Variants in PCNT observed in about 807,000 individuals in gnomAD.
The protein encoded by PCNT is pericentrin, also known as kendrin.
In PCNT, 319 loss-of-function variants were observed where a neutral mutation model predicts 380.4. The ratio of observed to expected loss-of-function variants is 0.84; its 90% CI spans 0.77 to 0.92. PCNT has a LOEUF of 0.92. PCNT is among the 40% of genes least tolerant of loss of function. The probability of loss-of-function intolerance (pLI) is 0.00; values close to 1 mark genes in which losing one functional copy is unlikely to be tolerated. For missense variants in PCNT, 4,400 were observed against 4,255.3 expected (o/e 1.03, Z -0.95); for synonymous variants, 1,845 against 1,735.2 (o/e 1.06, Z -1.57).
chr21:46,431,147 G>A (rs1010646106), intron 37 of PCNT: 1 of 1,191,454 alleles, frequency 8.4e-7, no homozygotes, highest in Non-Finnish European at 1.1e-6. Flanking sequence ...CTCTGGTGGA[G>A]TGATTTTCTG....
rs372705970 is a variant in PCNT at position 46,326,424 on chromosome 21, G to C, written c.102G>C (p.Ser34=). ...QRKTKGDSSH[S]EKKTAKRKGS... ...AAACAAAAGGTGACAGTTCGCATTC[G>C]GAGAAAAAGACGGCGAAGAGGAAGG... Residue 34 remains serine, a synonymous_variant, in exon 2 of 47, where the codon TCG becomes TCC. Coordinates refer to ENST00000359568, the MANE Select transcript of PCNT (RefSeq NM_006031.6). 8 of 1,614,092 alleles carry C rather than the reference G, an allele frequency of 5.0e-6. No individual in the cohort carries two copies. The highest frequency in any genetic ancestry group is 1.7e-5 in the Admixed American group (1 of 60,004).
intron 15 of PCNT, among the ~76,000 whole-genome samples, chr21:46,374,368 C>T (rs998931287): frequency 3.3e-5 from 5 of 152,142 alleles, no homozygotes; most frequent in Non-Finnish European, 7.3e-5. Context: ...CAAGCCCAGC[C>T]CACGTGCCAG....
intron 27 of PCNT, 132 bp from the exon 28 acceptor site, chr21:46,411,057 C>A: frequency 1.0e-6 from 1 of 977,142 alleles, no homozygotes; most frequent in East Asian, 2.5e-5. Context: ...CAGTTTGCTT[C>A]TATGGCTGCT....
At chr21:46,404,813 G>A (rs563531477) in intron 27 of PCNT, among the ~76,000 whole-genome samples, 1 of 152,146 alleles carries the variant, frequency 6.6e-6, no homozygotes, top group South Asian at 2.1e-4. Context: ...AGCCAGGCAT[G>A]GTGACACACC....
chr21:46,366,512 G>A, intron 14 of PCNT, 72 bp from the exon 15 acceptor site: 1 of 1,283,274 alleles, frequency 7.8e-7, no homozygotes, highest in South Asian at 1.2e-5. Flanking sequence ...GTGGGAAACT[G>A]ACTTGGCTTT....
At chr21:46,441,160 G>A in intron 43 of PCNT, 76 bp downstream of exon 43, 1 of 919,918 alleles carries the variant, frequency 1.1e-6, no homozygotes, top group Non-Finnish European at 1.8e-6. Flanking sequence ...TGGTTTTTTG[G>A]TCATTTTATT....
chr21:46,370,008 G>C (rs1242917253), intron 15 of PCNT, among the ~76,000 whole-genome samples: 1 of 152,344 alleles, frequency 6.6e-6, no homozygotes, highest in East Asian at 1.9e-4. Context: ...TGCGGGAGGG[G>C]CTGTGCAGGT....
At chr21:46,405,817 A>G (rs566814140) in intron 27 of PCNT, among the ~76,000 whole-genome samples, 124 of 152,376 alleles carry the variant, frequency 8.1e-4, no homozygotes, top group African/African-American at 2.9e-3. Context: ...ATATATAAAA[A>G]ATAGTTTACA....
At position 46,353,169 on chromosome 21, in the gene PCNT, GA is replaced by G. The variant is rs1369869782; in HGVS notation, c.1528del (p.Thr510ProfsTer10). ...VEDLEQLKQREKTQHESELEQ... is the reference protein window; with the variant it reads ...VEDLEQLKQRXKTQHESELEQ... ...AGATTTAGAACAGCTGAAGCAGCGA[GA>G]AAAAACCCAGCATGAGTCCGAACTG... On this transcript the variant is annotated frameshift_variant, in exon 10 of 47. Transcript: ENST00000359568. LOFTEE classifies it high-confidence loss of function. 6.2e-7 allele frequency: 1 copy of G among 1,614,098 alleles called. No homozygotes were observed. Among genetic ancestry groups the G allele is most frequent in the African/African-American group, 1.3e-5 (1 of 75,060 alleles).
chr21:46,325,562 C>T (rs996129830), intron 1 of PCNT, among the ~76,000 whole-genome samples: 13 of 152,174 alleles, frequency 8.5e-5, no homozygotes, highest in African/African-American at 2.9e-4. Context: ...GTGTAAATGG[C>T]CTTGTGTAAT....
chr21:46,334,159 T>C (rs901678073), intron 2 of PCNT, among the ~76,000 whole-genome samples: 55 of 150,912 alleles, frequency 3.6e-4, no homozygotes, highest in African/African-American at 1.3e-3. Context: ...GAGCTGAGAT[T>C]GTGCCACTGC....
chr21:46,439,986 C>T, intron 41 of PCNT, 97 bp from the exon 42 acceptor site: 2 of 1,494,814 alleles, frequency 1.3e-6, no homozygotes, highest in Middle Eastern at 2.1e-4. Flanking sequence ...GGCCTCCCCG[C>T]ACATGGCCTT....
At chr21:46,342,459 G>T (rs1182220417) in intron 3 of PCNT, among the ~76,000 whole-genome samples, 1 of 151,696 alleles carries the variant, frequency 6.6e-6, no homozygotes, top group African/African-American at 2.4e-5. Context: ...CACCAGCAGT[G>T]CAAAGGTTTT....
chr21:46,398,264 G>A lies in PCNT; in HGVS notation c.4584+9G>A. 1 of 1,602,328 alleles carries A rather than the reference G, an allele frequency of 6.2e-7. No individual in the cohort carries two copies. Among genetic ancestry groups the A allele is most frequent in the Non-Finnish European group, 8.5e-7 (1 of 1,175,768 alleles). ...CGCCGCTGGATGGAGAGGTGAGGAG[G>A]CGTCAACGAGATGGGCACTCCCTGC... On this transcript the variant is annotated intron_variant, in intron 24 of 46. Coordinates refer to ENST00000359568, the MANE Select transcript of PCNT (RefSeq NM_006031.6).
chr21:46,410,349 C>G (rs2086747547), intron 27 of PCNT, among the ~76,000 whole-genome samples: 1 of 152,092 alleles, frequency 6.6e-6, no homozygotes. Context: ...TGAGGTAGTT[C>G]CAGAGAAACC....
At position 46,418,265 on chromosome 21, in the gene PCNT, C is replaced by G; in HGVS notation, c.6983C>G (p.Pro2328Arg). The change falls in exon 31 of 47, where the codon CCT (proline) becomes CGT (arginine). Residue 2328 changes from proline (P) to arginine (R), a missense_variant. Transcript: ENST00000359568. ...GATTCTCAAGAAACATTAAGTTCAC[C>G]TCCTCCTGGATTAGAAGGAAAAGCT... is the stretch of plus-strand genomic sequence containing the variant. ...SFDSQETLSSPPPGLEGKADR... is the reference protein window; with the variant it reads ...SFDSQETLSSRPPGLEGKADR... The G allele has an allele frequency of 1.2e-6, 2 of 1,609,078 alleles. No homozygotes were observed. Among genetic ancestry groups the G allele is most frequent in the African/African-American group, 1.3e-5 (1 of 74,916 alleles).
rs914627649 is a variant in PCNT at position 46,361,958 on chromosome 21, A to T, written c.2155-1522A>T. Among the ~76,000 whole-genome samples the T allele has an allele frequency of 2.0e-5, 3 of 152,150 alleles. No individual in the cohort carries two copies. In the South Asian group the frequency reaches 6.2e-4, roughly 32 times the overall value. The stretch of plus-strand genomic sequence containing the variant: ...AGGGGTCACGTTTTCCTGCTTATTT[A>T]TGGGTCAGCTGGGTTCAGGTTGCAT... On this transcript the variant is annotated intron_variant, in intron 13 of 46. Coordinates refer to ENST00000359568, the MANE Select transcript of PCNT (RefSeq NM_006031.6).
chr21:46,407,340 CTTTTT>C (rs899881614), intron 27 of PCNT, among the ~76,000 whole-genome samples: 2 of 106,434 alleles, frequency 1.9e-5, no homozygotes, highest in African/African-American at 3.9e-5. Flanking sequence ...TATACTTTCT[CTTTTT>C]TTTTTTTTTT....
intron 15 of PCNT, among the ~76,000 whole-genome samples, chr21:46,371,992 T>TGC (rs71318071): frequency 0.13 from 18,449 of 147,302 alleles, 1,215 homozygotes; most frequent in South Asian, 0.21. Context: ...ATGCAGCACA[T>TGC]GCACACACAC....
Sources: gnomAD v4.1 joint callset for allele counts (sites outside exome capture counted in the v4.1 genomes callset) on GRCh38, gnomAD v4.1.1 for gene constraint, MANE v1.5 for transcripts, NCBI Gene and HGNC (gene_info 2026-07-23, HGNC 2026-07-21) for gene names.